Variants in PDXDC1 observed in about 807,000 individuals in gnomAD.
PDXDC1 encodes pyridoxal-dependent decarboxylase domain-containing protein 1.
Under a neutral mutation model 100.1 loss-of-function variants are expected in PDXDC1, and 42 were observed. The ratio of observed to expected loss-of-function variants is 0.42; its 90% CI spans 0.33 to 0.54. The LOEUF is 0.54. Among genes scored for constraint, PDXDC1 ranks in the 20% least tolerant of loss-of-function variants. The pLI is 0.10. For missense variants in PDXDC1, 636 were observed against 979.2 expected (o/e 0.65, Z 4.68); for synonymous variants, 260 against 371.7 (o/e 0.70, Z 3.46).
intron 16 of PDXDC1, among the ~76,000 whole-genome samples, chr16:15,072,245 C>CAAA (rs55852324): frequency 8.2e-5 from 11 of 133,484 alleles, no homozygotes; most frequent in African/African-American, 2.5e-4. Context: ...TTTCCCCCAC[C>CAAA]AAAAAAAAAA....
chr16:15,021,352 T>A (rs537130576), intron 12 of PDXDC1, among the ~76,000 whole-genome samples: 1 of 151,856 alleles, frequency 6.6e-6, no homozygotes, highest in South Asian at 2.1e-4. Flanking sequence ...ACTACTCCAC[T>A]CCAGCCTGGG....
chr16:15,073,206 C>G, intron 16 of PDXDC1: 1 of 1,093,626 alleles, frequency 9.1e-7, no homozygotes. Flanking sequence ...TGGCTCCTGC[C>G]TGCAATCCCA....
chr16:15,025,752 C>T (rs1425677723), intron 13 of PDXDC1: 2 of 153,306 alleles, frequency 1.3e-5, no homozygotes, highest in Non-Finnish European at 2.9e-5. Flanking sequence ...CTTCCCCCTC[C>T]AGGGCCACCC....
At position 15,137,696 on chromosome 16, in the gene PDXDC1, G is replaced by C. The variant is rs986408233; in HGVS notation, c.1400-1183G>C. The C allele has an allele frequency of 4.4e-6, 5 of 1,131,580 alleles. No individual in the cohort carries two copies. The African/African-American group carries it at 6.2e-5, about 14-fold the overall frequency. 70.1% of individuals were successfully genotyped at this position (1,131,580 alleles called of 1,614,324 possible). On this transcript the variant is annotated intron_variant, in intron 16 of 16. Coordinates refer to the PDXDC1 transcript ENST00000535621. ...TCCTGAGCCCTGCCCAGTGTCTGCA[G>C]GGCCCAGGTCCCACCTGGCTGGGAA... is the stretch of plus-strand genomic sequence containing the variant.
At chr16:15,092,436 G>C in intron 16 of PDXDC1, 1 of 859,190 alleles carries the variant, frequency 1.2e-6, no homozygotes, top group South Asian at 1.4e-5. Context: ...TATTTCTATT[G>C]GTCTTTAGTA....
intron 1 of PDXDC1, among the ~76,000 whole-genome samples, chr16:14,994,752 T>C (rs1320016857): frequency 1.3e-5 from 2 of 152,300 alleles, no homozygotes; most frequent in African/African-American, 2.4e-5. Flanking sequence ...TTTCACGATA[T>C]TGATTCTTCC....
chr16:15,076,980 CTT>C lies in PDXDC1; in HGVS notation c.1399+46939_1399+46940del, dbSNP rs11419800. Among the ~76,000 whole-genome samples the C allele has an allele frequency of 8.3e-5, 12 of 143,904 alleles. No homozygotes were observed. The South Asian group carries it at 8.7e-4, about 10-fold the overall frequency. 94.4% of individuals were successfully genotyped at this position (143,904 alleles called of 152,430 possible). On this transcript the variant is annotated intron_variant, in intron 16 of 16. Transcript: ENST00000535621. ...TGGCTCTGTGTCCCCACCCAAATCACTTTTTTTTTTTTTTTTGAGGCAGAGTT... is the reference window on the plus strand; with the variant it reads ...TGGCTCTGTGTCCCCACCCAAATCACTTTTTTTTTTTTTTGAGGCAGAGTT...
chr16:15,080,853 G>A (rs1236180982), intron 16 of PDXDC1, among the ~76,000 whole-genome samples: 4 of 151,500 alleles, frequency 2.6e-5, no homozygotes, highest in Non-Finnish European at 4.4e-5. Context: ...TATAAATGGA[G>A]TCATATAATA....
chr16:15,073,718 A>C (rs2045336910), intron 16 of PDXDC1, among the ~76,000 whole-genome samples: 1 of 152,180 alleles, frequency 6.6e-6, no homozygotes, highest in South Asian at 2.1e-4. Flanking sequence ...TGTTCATTAT[A>C]ACTGTTACTT....
Position 15,122,230 on chromosome 16 carries a change from G to C in PDXDC1, c.1400-16649G>C, listed in dbSNP as rs576238946. 3.0e-3 allele frequency among the ~76,000 whole-genome samples: 453 copies of C among 150,212 alleles called. 1 individual carries two copies. Among genetic ancestry groups the C allele is most frequent in the African/African-American group, 0.011 (438 of 41,050 alleles). ...CACAAATCAAATGACATTTCACTTT[G>C]TTTTGGTCCGTTTTGTTTGTTAGAG... is the stretch of plus-strand genomic sequence containing the variant. On this transcript the variant is annotated intron_variant, in intron 16 of 16. Transcript: ENST00000535621.
At chr16:15,055,536 G>A (rs906880868) in intron 16 of PDXDC1, among the ~76,000 whole-genome samples, 4 of 152,338 alleles carry the variant, frequency 2.6e-5, no homozygotes, top group Middle Eastern at 6.8e-3. Flanking sequence ...GAAGGCGGGC[G>A]GCCGGATTTG....
At chr16:15,055,872 C>A (rs1324535697) in intron 16 of PDXDC1, 2 of 1,212,474 alleles carry the variant, frequency 1.6e-6, no homozygotes, top group Non-Finnish European at 2.1e-6. Context: ...CCCGAAGCCC[C>A]GCGCCGCGCC....
At chr16:14,987,527 CTG>C (rs1195844753) in intron 1 of PDXDC1, among the ~76,000 whole-genome samples, 1 of 152,288 alleles carries the variant, frequency 6.6e-6, no homozygotes, top group Non-Finnish European at 1.5e-5. Flanking sequence ...AATATTTACT[CTG>C]TGTCTGACCC....
At chr16:15,129,694 A>G (rs2047947852) in intron 16 of PDXDC1, among the ~76,000 whole-genome samples, 1 of 152,064 alleles carries the variant, frequency 6.6e-6, no homozygotes, top group South Asian at 2.1e-4. Context: ...TCCAGCTAGG[A>G]GCTGTCCTAG....
chr16:15,106,667 A>G (rs1465779587), intron 16 of PDXDC1, among the ~76,000 whole-genome samples: 1 of 146,102 alleles, frequency 6.8e-6, no homozygotes, highest in Non-Finnish European at 1.5e-5. Flanking sequence ...AGGCAGGGGA[A>G]TCACTTGAAC....
At chr16:15,149,057 C>G in the PDXDC1 span, among the ~76,000 whole-genome samples, 5 of 152,204 alleles carry the variant, frequency 3.3e-5, no homozygotes, top group African/African-American at 9.6e-5. Context: ...AGGCCAGCTG[C>G]ACATGCAGGA....
At chr16:15,132,989 C>G in intron 16 of PDXDC1, 1 of 1,491,310 alleles carries the variant, frequency 6.7e-7, no homozygotes, top group East Asian at 2.3e-5. Context: ...GTGATGTGGG[C>G]ATTGACCCGC....
intron 16 of PDXDC1, chr16:15,125,945 A>G: frequency 1.6e-6 from 1 of 617,078 alleles, no homozygotes; most frequent in East Asian, 2.7e-5. Context: ...TATATGGGAC[A>G]TCTGCACCGT....
chr16:15,049,426 TTTATC>T (rs1228380001), intron 16 of PDXDC1, among the ~76,000 whole-genome samples: 1 of 146,418 alleles, frequency 6.8e-6, no homozygotes, highest in Non-Finnish European at 1.5e-5. Flanking sequence ...TGTTATTTCT[TTTATC>T]TTATTTTTTT....
Sources: gnomAD v4.1 joint callset for allele counts (sites outside exome capture counted in the v4.1 genomes callset) on GRCh38, gnomAD v4.1.1 for gene constraint, MANE v1.5 for transcripts, NCBI Gene and HGNC (gene_info 2026-07-23, HGNC 2026-07-21) for gene names.